PRMT8: variants seen among roughly 807,000 people sequenced by gnomAD.
PRMT8 encodes the protein protein arginine N-methyltransferase 8.
A neutral mutation model predicts 47.1 loss-of-function variants in PRMT8; 7 were observed. That is an observed-to-expected ratio of 0.15 (90% CI 0.08 to 0.28). PRMT8 has a LOEUF of 0.28. PRMT8 is among the 10% of genes least tolerant of loss of function. PRMT8 has a pLI of 1.00. For synonymous variants in PRMT8, 188 were observed against 186.5 expected, an observed-to-expected ratio of 1.01 and a Z score of -0.07; for missense variants, 237 against 505.4, an observed-to-expected ratio of 0.47 and a Z score of 5.09.
chr12:3,455,098 G>A (rs1187381882), intron 1 of PRMT8, among the ~76,000 whole-genome samples: 2 of 152,070 alleles, frequency 1.3e-5, no homozygotes, highest in Non-Finnish European at 2.9e-5. Flanking sequence ...TGGAGTTTGG[G>A]GGCTCCTCCT....
intron 1 of PRMT8, among the ~76,000 whole-genome samples, chr12:3,464,124 G>A (rs1046690475): frequency 6.6e-6 from 1 of 152,130 alleles, no homozygotes; most frequent in Admixed American, 6.5e-5. Context: ...AATGTGAACG[G>A]CACGTTATTT....
intron 1 of PRMT8, among the ~76,000 whole-genome samples, chr12:3,403,876 CA>C (rs1315547758): frequency 2.2e-3 from 165 of 75,180 alleles, no homozygotes; most frequent in African/African-American, 8.3e-3. Flanking sequence ...GACTCTGTCT[CA>C]AAAAAAAAAA....
At position 3,566,972 on chromosome 12, in the gene PRMT8, C is replaced by A. The variant is rs1300601561; in HGVS notation, c.482-1734C>A. On this transcript the variant is annotated intron_variant, in intron 4 of 9. Coordinates refer to ENST00000382622, the MANE Select transcript of PRMT8 (RefSeq NM_019854.5). The surrounding 1 kb of genome is among the most constrained non-coding windows in gnomAD (Gnocchi z 4.7). ...ACAGCAACAAATACAAAAAGGGACT[C>A]CAAAATTATGTGTATGTCTATGTCA... Among the ~76,000 whole-genome samples, 1 of 152,138 alleles carries A rather than the reference C, an allele frequency of 6.6e-6. No individual in the cohort carries two copies. The highest frequency in any genetic ancestry group is 1.5e-5 in the Non-Finnish European group (1 of 68,006).
At chr12:3,544,714 G>A (rs1311888356) in intron 2 of PRMT8, among the ~76,000 whole-genome samples, 1 of 152,194 alleles carries the variant, frequency 6.6e-6, no homozygotes, top group Non-Finnish European at 1.5e-5. Flanking sequence ...TCGTCATGGT[G>A]TTCCTTGGAC....
At chr12:3,475,551 C>T (rs117207929) in intron 1 of PRMT8, among the ~76,000 whole-genome samples, 176 of 152,364 alleles carry the variant, frequency 1.2e-3, no homozygotes, top group Non-Finnish European at 2.0e-3. Flanking sequence ...CAGGCTGGCT[C>T]ACCAGCCCTC....
intron 1 of PRMT8, among the ~76,000 whole-genome samples, chr12:3,533,484 G>A (rs1325017331): frequency 2.0e-5 from 3 of 152,238 alleles, no homozygotes; most frequent in African/African-American, 7.2e-5. Flanking sequence ...GCAATCGTTA[G>A]TGTATTTTAT....
rs1210943272 is a variant in PRMT8, at chr12:3,570,488, CG to C, written c.712+926del. On this transcript the variant is annotated intron_variant, in intron 6 of 9. Coordinates refer to ENST00000382622, the MANE Select transcript of PRMT8 (RefSeq NM_019854.5). This position sits in a 1 kb window ranked among gnomAD's most constrained non-coding sequence, Gnocchi z 5.5. ...CTATCCATCAGACTGGGCACATCTG[CG>C]GTTCCTGCCCCAACAGGGTGGTCCA... is the stretch of plus-strand genomic sequence containing the variant. Among the ~76,000 whole-genome samples, 2 of 152,166 alleles carry C rather than the reference CG, an allele frequency of 1.3e-5. No homozygotes were observed. Among genetic ancestry groups the C allele is most frequent in the African/African-American group, 4.8e-5 (2 of 41,434 alleles).
intron 1 of PRMT8, among the ~76,000 whole-genome samples, chr12:3,539,308 G>C (rs1226911020): frequency 1.3e-5 from 2 of 152,186 alleles, no homozygotes; most frequent in Non-Finnish European, 2.9e-5. Context: ...GAGGCACAGT[G>C]ATGACAAATT....
chr12:3,419,977 G>A (rs1161265590), intron 1 of PRMT8, among the ~76,000 whole-genome samples: 1 of 138,718 alleles, frequency 7.2e-6, no homozygotes, highest in Non-Finnish European at 1.6e-5. Context: ...AAGAGGGAGA[G>A]GGGGAGAGGG....
chr12:3,517,623 G>A (rs563881755), intron 1 of PRMT8, among the ~76,000 whole-genome samples: 1 of 152,236 alleles, frequency 6.6e-6, no homozygotes, highest in South Asian at 2.1e-4. Context: ...ACACAGAGGT[G>A]TGCAAGAAAC....
At chr12:3,577,504 G>T (rs549078712) in intron 7 of PRMT8, among the ~76,000 whole-genome samples, 1 of 151,516 alleles carries the variant, frequency 6.6e-6, no homozygotes, top group South Asian at 2.1e-4. Flanking sequence ...CTTTGCCCCA[G>T]CGGCCTGCCA....
At position 3,569,260 on chromosome 12, in the gene PRMT8, C is replaced by T. The variant is rs1401095617; in HGVS notation, c.625-217C>T. Among the ~76,000 whole-genome samples, 2 of 152,186 alleles carry T rather than the reference C, an allele frequency of 1.3e-5. No homozygotes were observed. Among genetic ancestry groups the T allele is most frequent in the Non-Finnish European group, 2.9e-5 (2 of 68,034 alleles). Reference sequence around the variant, plus strand: ...TTTACCTTCACCTCACCTCATTTGTCCTATTGACTCCACCTAGGTCCCTTA... The same window carrying T: ...TTTACCTTCACCTCACCTCATTTGTTCTATTGACTCCACCTAGGTCCCTTA... On this transcript the variant is annotated intron_variant, in intron 5 of 9. Transcript: ENST00000382622. This position sits in a 1 kb window ranked among gnomAD's most constrained non-coding sequence, Gnocchi z 8.2.
chr12:3,510,847 C>A (rs900908917), intron 1 of PRMT8, among the ~76,000 whole-genome samples: 3 of 152,208 alleles, frequency 2.0e-5, no homozygotes, highest in Non-Finnish European at 4.4e-5. Flanking sequence ...GCAGCAGGGA[C>A]CTATCCTGAG....
intron 1 of PRMT8, among the ~76,000 whole-genome samples, chr12:3,496,214 A>ATATATATATATATATTTTTTTTT: frequency 1.8e-4 from 5 of 27,770 alleles, no homozygotes; most frequent in African/African-American, 1.8e-4. Flanking sequence ...ATATATATAT[A>ATATATATATATATATTTTTTTTT]TTTTTTTTTT....
At chr12:3,447,029 C>T (rs55908837) in intron 1 of PRMT8, among the ~76,000 whole-genome samples, 2,695 of 152,232 alleles carry the variant, frequency 0.018, 41 homozygotes, top group Middle Eastern at 0.02. Context: ...GAGCCCTGAG[C>T]GGGTGGGCTT....
chr12:3,522,232 T>TA (rs920287363), intron 1 of PRMT8, among the ~76,000 whole-genome samples: 3 of 151,372 alleles, frequency 2.0e-5, no homozygotes, highest in African/African-American at 4.9e-5. Context: ...AAAACCAATT[T>TA]AAAAAAAAAT....
chr12:3,431,970 T>A (rs1864684595), intron 1 of PRMT8, among the ~76,000 whole-genome samples: 1 of 152,118 alleles, frequency 6.6e-6, no homozygotes, highest in Admixed American at 6.5e-5. Flanking sequence ...GAGCAGGAAT[T>A]TTTGCTTAAA....
At chr12:3,454,078 C>T (rs577696038) in intron 1 of PRMT8, among the ~76,000 whole-genome samples, 1 of 152,290 alleles carries the variant, frequency 6.6e-6, no homozygotes, top group Non-Finnish European at 1.5e-5. Flanking sequence ...CACCACGGGG[C>T]TCAAAGGGGC....
At chr12:3,384,255 T>G (rs1357179625) in intron 1 of PRMT8, among the ~76,000 whole-genome samples, 19 of 147,922 alleles carry the variant, frequency 1.3e-4, no homozygotes, top group Non-Finnish European at 2.7e-4. Flanking sequence ...CTCTATTCCT[T>G]TTTTTTTTTT....
Sources: gnomAD v4.1 joint callset for allele counts (sites outside exome capture counted in the v4.1 genomes callset) on GRCh38, gnomAD v4.1.1 for gene constraint, Gnocchi (gnomAD v3.1) non-coding constraint, MANE v1.5 for transcripts, NCBI Gene and HGNC (gene_info 2026-07-23, HGNC 2026-07-21) for gene names.